The following MAPK4 variants were observed in gnomAD, a reference collection of about 807,000 sequenced individuals.
The protein encoded by MAPK4 is mitogen-activated protein kinase 4.
A neutral mutation model predicts 47.7 loss-of-function variants in MAPK4; 22 were observed. That is an observed-to-expected ratio of 0.46 (90% confidence interval 0.33 to 0.66). The LOEUF is 0.66. MAPK4 is among the 30% of genes least tolerant of loss of function. The probability of loss-of-function intolerance (pLI) is 0.02; values close to 1 mark genes in which losing one functional copy is unlikely to be tolerated. For synonymous variants in MAPK4, 390 were observed against 365.7 expected, an observed-to-expected ratio of 1.07 and a Z score of -0.76; for missense variants, 736 against 831.7, an observed-to-expected ratio of 0.88 and a Z score of 1.42.
chr18:50,729,929 C>T lies in MAPK4; in HGVS notation c.*75C>T. ...AGCCGGGGCTGGCAGGAGGCGGCCG[C>T]CCTTCCCGCCCCTCTCTGCTGCCTT... On this transcript the variant is annotated 3_prime_UTR_variant, in exon 6 of 6. Transcript: ENST00000400384. 7.2e-6 allele frequency: 10 copies of T among 1,396,542 alleles called. No homozygotes were observed. The highest frequency in any genetic ancestry group is 8.6e-6 in the Non-Finnish European group (9 of 1,047,156). 86.5% of individuals were successfully genotyped at this position (1,396,542 alleles called of 1,614,324 possible). A position where few individuals can be genotyped will look rare whatever the true frequency, so the allele number is the denominator to read the frequency against.
chr18:50,707,474 A>T (rs1430842279), intron 2 of MAPK4, among the ~76,000 whole-genome samples: 1 of 151,544 alleles, frequency 6.6e-6, no homozygotes, highest in Non-Finnish European at 1.5e-5. Context: ...GGGGGGTTAA[A>T]GCCCGAGGAT....
chr18:50,599,634 G>T, intron 1 of MAPK4, among the ~76,000 whole-genome samples: 1 of 152,100 alleles, frequency 6.6e-6, no homozygotes, highest in Admixed American at 6.5e-5. Context: ...GCCCAGGCTG[G>T]TCTTGAACTC....
intron 1 of MAPK4, among the ~76,000 whole-genome samples, chr18:50,635,837 C>T (rs372706639): frequency 2.4e-4 from 37 of 152,078 alleles, no homozygotes; most frequent in Admixed American, 1.3e-3. Context: ...CCCCATGGTT[C>T]GGTCCACAAG....
At chr18:50,704,701 T>C (rs760141873) in intron 2 of MAPK4, 3 of 398,524 alleles carry the variant, frequency 7.5e-6, no homozygotes, top group African/African-American at 6.2e-5. Flanking sequence ...GGAGGGAACT[T>C]TGGGGCCTGG....
chr18:50,696,604 C>T (rs183611186), intron 2 of MAPK4, among the ~76,000 whole-genome samples: 4 of 152,348 alleles, frequency 2.6e-5, no homozygotes, highest in African/African-American at 9.6e-5. Context: ...ACCCAGAGAA[C>T]CCCCTCATCT....
intron 2 of MAPK4, among the ~76,000 whole-genome samples, chr18:50,667,941 C>T (rs781091016): frequency 6.6e-6 from 1 of 152,146 alleles, no homozygotes; most frequent in Non-Finnish European, 1.5e-5. Flanking sequence ...CTCCTTCCCA[C>T]GAGTCATATT....
intron 1 of MAPK4, among the ~76,000 whole-genome samples, chr18:50,650,774 T>C (rs1241775119): frequency 6.6e-6 from 1 of 152,274 alleles, no homozygotes. Flanking sequence ...TGCTGGTAGC[T>C]GCTGCCACAT....
At chr18:50,679,511 G>C (rs1908461092) in intron 2 of MAPK4, among the ~76,000 whole-genome samples, 1 of 151,978 alleles carries the variant, frequency 6.6e-6, no homozygotes, top group African/African-American at 2.4e-5. Context: ...TCTGAGAGAA[G>C]CGAGTCAGGT....
intron 1 of MAPK4, among the ~76,000 whole-genome samples, chr18:50,623,020 C>T (rs144672789): frequency 2.0e-5 from 3 of 152,264 alleles, no homozygotes; most frequent in Admixed American, 6.5e-5. Flanking sequence ...CACATGTGGA[C>T]GCAACTGTTA....
At chr18:50,701,167 C>A (rs150682497) in intron 2 of MAPK4, among the ~76,000 whole-genome samples, 2 of 150,096 alleles carry the variant, frequency 1.3e-5, no homozygotes, top group African/African-American at 4.9e-5. Context: ...TCTAACAAGA[C>A]ACCCCCACCC....
intron 2 of MAPK4, among the ~76,000 whole-genome samples, chr18:50,683,294 A>AT (rs776264338): frequency 1.3e-5 from 2 of 151,682 alleles, no homozygotes; most frequent in South Asian, 2.1e-4. Context: ...TAATTTTTAT[A>AT]TTTTTTTAGT....
chr18:50,697,019 A>G (rs1308874187), intron 2 of MAPK4, among the ~76,000 whole-genome samples: 1 of 151,992 alleles, frequency 6.6e-6, no homozygotes, highest in Non-Finnish European at 1.5e-5. Flanking sequence ...GACCAGCAGC[A>G]TCAGCATCCC....
intron 1 of MAPK4, among the ~76,000 whole-genome samples, chr18:50,601,097 TA>T (rs3080769): frequency 0.55 from 73,850 of 134,076 alleles, 20,122 homozygotes; most frequent in East Asian, 0.65. Context: ...CCTATCTCTG[TA>T]AAAAAAAAAA....
chr18:50,648,384 C>T (rs1022066385), intron 1 of MAPK4, among the ~76,000 whole-genome samples: 1 of 152,100 alleles, frequency 6.6e-6, no homozygotes, highest in Admixed American at 6.5e-5. Flanking sequence ...GCAGGCATGA[C>T]CGTGGGGGCT....
chr18:50,729,876 C>G lies in MAPK4; in HGVS notation c.*22C>G, dbSNP rs1390897273. ...GTGAGGGCGGAGGGGCCGCTCCAGG[C>G]CCCACAGAGCAGGAGACCCCCAGAG... is the stretch of plus-strand genomic sequence containing the variant. On this transcript the variant is annotated 3_prime_UTR_variant, in exon 6 of 6. Coordinates refer to ENST00000400384, the MANE Select transcript of MAPK4 (RefSeq NM_002747.4). 2.6e-6 allele frequency: 4 copies of G among 1,559,204 alleles called. No homozygotes were observed. The highest frequency in any genetic ancestry group is 3.6e-5 in the Admixed American group (2 of 56,022).
At chr18:50,643,750 C>A (rs963243316) in intron 1 of MAPK4, among the ~76,000 whole-genome samples, 1 of 152,162 alleles carries the variant, frequency 6.6e-6, no homozygotes, top group Admixed American at 6.5e-5. Context: ...TAGCCCCTCC[C>A]ACCTGCCGGT....
At chr18:50,630,894 A>G (rs1266643708) in intron 1 of MAPK4, among the ~76,000 whole-genome samples, 1 of 152,236 alleles carries the variant, frequency 6.6e-6, no homozygotes, top group Non-Finnish European at 1.5e-5. Context: ...TTCCACAGAC[A>G]GGTACCAAAT....
At chr18:50,610,300 C>T (rs2042621571) in intron 1 of MAPK4, among the ~76,000 whole-genome samples, 1 of 152,224 alleles carries the variant, frequency 6.6e-6, no homozygotes, top group African/African-American at 2.4e-5. Context: ...GAGGAGGGAC[C>T]ATCACTTGGC....
chr18:50,714,339 T>C (rs779345116), intron 2 of MAPK4, among the ~76,000 whole-genome samples: 7 of 152,318 alleles, frequency 4.6e-5, no homozygotes, highest in African/African-American at 9.6e-5. Flanking sequence ...TCCTAAATCA[T>C]ATATGGGTAT....
Sources: allele counts gnomAD v4.1 joint callset (sites outside exome capture counted in the v4.1 genomes callset), GRCh38; gene constraint gnomAD v4.1.1; transcripts MANE v1.5; gene names NCBI Gene and HGNC (gene_info 2026-07-23, HGNC 2026-07-21).